Variants in BFSP2 observed in about 807,000 individuals in gnomAD.
The protein encoded by BFSP2 is phakinin.
BFSP2 carries 38 observed loss-of-function variants against 44.9 expected under a neutral mutation model. That is an observed-to-expected ratio of 0.85 (90% confidence interval 0.65 to 1.11). The LOEUF (loss-of-function observed/expected upper bound fraction) is 1.11, where lower values mean the gene tolerates loss of function less well. Among genes scored for constraint, BFSP2 ranks in the 50% least tolerant of loss-of-function variants. The pLI is 0.00. For synonymous variants in BFSP2, 197 were observed against 209.9 expected, an observed-to-expected ratio of 0.94 and a Z score of 0.53; for missense variants, 525 against 533.0, an observed-to-expected ratio of 0.99 and a Z score of 0.15.
At chr3:133,468,596 T>C (rs57942552) in intron 5 of BFSP2, among the ~76,000 whole-genome samples, 8,093 of 152,260 alleles carry the variant, frequency 0.053, 690 homozygotes, top group African/African-American at 0.18. Flanking sequence ...GACCTCCTCA[T>C]ATCATGACAG....
chr3:133,472,825 A>T (rs561397496), intron 6 of BFSP2, among the ~76,000 whole-genome samples: 17 of 152,196 alleles, frequency 1.1e-4, no homozygotes, highest in Non-Finnish European at 2.2e-4. Flanking sequence ...ACATTCACAT[A>T]CATGTGTATA....
intron 1 of BFSP2, 43 bp from the exon 2 acceptor site, chr3:133,447,274 C>T (rs764056128): frequency 6.2e-7 from 1 of 1,606,042 alleles, no homozygotes; most frequent in Non-Finnish European, 8.5e-7. Flanking sequence ...GATCTTGACG[C>T]TCCCAGTGAC....
At chr3:133,443,955 C>A (rs1052433602) in intron 1 of BFSP2, among the ~76,000 whole-genome samples, 1 of 152,088 alleles carries the variant, frequency 6.6e-6, no homozygotes, top group Non-Finnish European at 1.5e-5. Context: ...TCATCCACCA[C>A]CACCAGCTCA....
At chr3:133,409,282 A>C (rs1340271380) in intron 1 of BFSP2, among the ~76,000 whole-genome samples, 4 of 151,646 alleles carry the variant, frequency 2.6e-5, no homozygotes, top group Admixed American at 6.6e-5. Context: ...TAAGAGAGTA[A>C]CTATATTTGT....
intron 1 of BFSP2, among the ~76,000 whole-genome samples, chr3:133,444,970 T>C (rs183419069): frequency 6.6e-6 from 1 of 152,200 alleles, no homozygotes; most frequent in Admixed American, 6.5e-5. Context: ...AAATCTCAAC[T>C]CCTTTCCATT....
At chr3:133,467,542 C>T (rs1222452499) in intron 5 of BFSP2, among the ~76,000 whole-genome samples, 3 of 152,136 alleles carry the variant, frequency 2.0e-5, no homozygotes, top group African/African-American at 7.2e-5. Context: ...GGCTCTGCTT[C>T]TGGAGAACCC....
chr3:133,471,832 T>A (rs911496655), intron 5 of BFSP2, among the ~76,000 whole-genome samples: 3 of 152,058 alleles, frequency 2.0e-5, no homozygotes, highest in Non-Finnish European at 4.4e-5. Flanking sequence ...AGACATTCAT[T>A]CTAAGGACAG....
intron 1 of BFSP2, among the ~76,000 whole-genome samples, chr3:133,431,647 C>T (rs2073720534): frequency 6.6e-6 from 1 of 152,140 alleles, no homozygotes. Context: ...GGACGCCGAG[C>T]TTTAGGTAAC....
chr3:133,457,475 T>A (rs1418551819), intron 4 of BFSP2, among the ~76,000 whole-genome samples: 1 of 152,250 alleles, frequency 6.6e-6, no homozygotes, highest in African/African-American at 2.4e-5. Context: ...TACCGTTTTT[T>A]TCTATGGGGG....
chr3:133,466,890 G>T lies in BFSP2; in HGVS notation c.954G>T (p.Arg318Ser), dbSNP rs146972354. The T allele has an allele frequency of 3.1e-4, 504 of 1,613,946 alleles. 3 individuals carry two copies. The African/African-American group carries it at 5.7e-3, about 18-fold the overall frequency. The change falls in exon 5 of 7, where the codon AGG (arginine) becomes AGT (serine). Residue 318 changes from arginine (R) to serine (S), a missense_variant. Physicochemically the swap from Arg to Ser is moderately radical, Grantham distance 110. Coordinates refer to ENST00000302334, the MANE Select transcript of BFSP2 (RefSeq NM_003571.4). ...AGGAGAAGCTGGCAGCTGCCCTCAG[G>T]GTGGAGTTACACAACACTTCGTGCC... ...TQEEKLAAAL[R>S]VELHNTSCQV...
chr3:133,471,529 G>T (rs2074161548), intron 5 of BFSP2, among the ~76,000 whole-genome samples: 1 of 152,174 alleles, frequency 6.6e-6, no homozygotes, highest in Non-Finnish European at 1.5e-5. Context: ...CTTGATGTGA[G>T]GTCTGAGTAT....
chr3:133,433,666 C>T (rs1279624017), intron 1 of BFSP2, among the ~76,000 whole-genome samples: 7 of 152,176 alleles, frequency 4.6e-5, no homozygotes, highest in Middle Eastern at 3.2e-3. Flanking sequence ...TTTAGCCTTC[C>T]CACCTCTATA....
chr3:133,443,289 T>G lies in BFSP2; in HGVS notation c.490-4028T>G, dbSNP rs146749009. Among the ~76,000 whole-genome samples the G allele has an allele frequency of 3.9e-3, 600 of 152,316 alleles. 6 individuals carry two copies. Among genetic ancestry groups the G allele is most frequent in the African/African-American group, 0.014 (565 of 41,556 alleles). On this transcript the variant is annotated intron_variant, in intron 1 of 6. Transcript: ENST00000302334. ...AGCAGAAAGTTCTGAGATAGACATT[T>G]AAATGTGAAAGTCATTAGCACATAC...
At chr3:133,442,313 T>A (rs991082371) in intron 1 of BFSP2, among the ~76,000 whole-genome samples, 1 of 152,052 alleles carries the variant, frequency 6.6e-6, no homozygotes, top group Non-Finnish European at 1.5e-5. Flanking sequence ...TAAATTCTGT[T>A]TTTTTGTTTT....
chr3:133,433,909 T>C (rs1172834837), intron 1 of BFSP2, among the ~76,000 whole-genome samples: 1 of 152,220 alleles, frequency 6.6e-6, no homozygotes, highest in Admixed American at 6.5e-5. Flanking sequence ...CGCTCCTTTT[T>C]ATTAGGCCCC....
chr3:133,469,354 C>T (rs1389648707), intron 5 of BFSP2, among the ~76,000 whole-genome samples: 3 of 152,202 alleles, frequency 2.0e-5, no homozygotes, highest in Admixed American at 6.5e-5. Context: ...CACACAAGGC[C>T]CCCGCAGCTT....
At chr3:133,460,032 A>C (rs766847408) in intron 4 of BFSP2, among the ~76,000 whole-genome samples, 56 of 152,098 alleles carry the variant, frequency 3.7e-4, no homozygotes, top group Non-Finnish European at 7.1e-4. Context: ...TGTTCCTATA[A>C]ATAAGGAACC....
At position 133,443,139 on chromosome 3, in the gene BFSP2, C is replaced by A. The variant is rs1378246346; in HGVS notation, c.490-4178C>A. Among the ~76,000 whole-genome samples, 5 of 152,186 alleles carry A rather than the reference C, an allele frequency of 3.3e-5. No homozygotes were observed. In the East Asian group the frequency reaches 9.7e-4, roughly 29 times the overall value. ...CCTCCCAAAGTGCTGGGATTCCAGG[C>A]GTGAGCCACCGCACCCGGCCAAAAT... On this transcript the variant is annotated intron_variant, in intron 1 of 6. Transcript: ENST00000302334.
At chr3:133,423,399 T>A (rs2073612444) in intron 1 of BFSP2, among the ~76,000 whole-genome samples, 2 of 152,330 alleles carry the variant, frequency 1.3e-5, no homozygotes, top group South Asian at 4.1e-4. Flanking sequence ...CTTAGCATAG[T>A]GCTTGCCCAT....
Sources: gnomAD v4.1 joint callset for allele counts (sites outside exome capture counted in the v4.1 genomes callset) on GRCh38, gnomAD v4.1.1 for gene constraint, MANE v1.5 for transcripts, NCBI Gene and HGNC (gene_info 2026-07-23, HGNC 2026-07-21) for gene names.